GAS7: variants seen among roughly 807,000 people sequenced by gnomAD.
The protein encoded by GAS7 is growth arrest specific 7, also known as growth arrest-specific protein 7.
In GAS7, 28 loss-of-function variants were observed where a neutral mutation model predicts 71.1. That is an observed-to-expected ratio of 0.39 (90% CI 0.29 to 0.54). The LOEUF is 0.54. Among genes scored for constraint, GAS7 ranks in the 20% least tolerant of loss-of-function variants. GAS7 has a pLI of 0.62. For synonymous variants in GAS7, 258 were observed against 245.8 expected, an observed-to-expected ratio of 1.05 and a Z score of -0.46; for missense variants, 436 against 627.8, an observed-to-expected ratio of 0.69 and a Z score of 3.27.
intron 1 of GAS7, among the ~76,000 whole-genome samples, chr17:10,119,985 C>A (rs907815661): frequency 6.6e-6 from 1 of 152,184 alleles, no homozygotes; most frequent in Non-Finnish European, 1.5e-5. Flanking sequence ...AAGCCTCTGA[C>A]CACAAGCTGG....
At chr17:10,096,619 A>G (rs1350138897) in intron 1 of GAS7, among the ~76,000 whole-genome samples, 2 of 152,208 alleles carry the variant, frequency 1.3e-5, no homozygotes, top group Non-Finnish European at 2.9e-5. Context: ...CCCAGGCCTA[A>G]GGCCATCACC....
chr17:10,121,938 T>C lies in GAS7; in HGVS notation c.183+76270A>G, dbSNP rs112082374. Among the ~76,000 whole-genome samples the C allele has an allele frequency of 9.4e-3, 1,434 of 152,254 alleles. 30 individuals carry two copies. Among genetic ancestry groups the C allele is most frequent in the African/African-American group, 0.033 (1,372 of 41,554 alleles). ...TGAGACCAGTTCTCATGGGGGACTT[T>C]GGAAGGTAGTGGGCCCAGGCTACCT... On this transcript the variant is annotated intron_variant, in intron 1 of 13. Coordinates refer to ENST00000432992, the MANE Select transcript of GAS7 (RefSeq NM_201433.2).
intron 4 of GAS7, among the ~76,000 whole-genome samples, chr17:9,961,952 C>A (rs1271417493): frequency 6.6e-6 from 1 of 152,190 alleles, no homozygotes; most frequent in Non-Finnish European, 1.5e-5. Context: ...CAACCACAAA[C>A]ATATATTTTG....
chr17:10,114,647 A>C (rs989179587), intron 1 of GAS7: 2 of 152,042 alleles, frequency 1.3e-5, no homozygotes, highest in Non-Finnish European at 2.9e-5. Flanking sequence ...CCCCATAACA[A>C]CACCATAGCA....
chr17:9,964,428 C>T (rs1046168056), intron 4 of GAS7, among the ~76,000 whole-genome samples: 1 of 152,168 alleles, frequency 6.6e-6, no homozygotes, highest in African/African-American at 2.4e-5. Flanking sequence ...GGCAGGCCTG[C>T]GCAGACTACC....
rs1190565077 is a variant in GAS7, at chr17:9,914,703, A to G, written c.*2525T>C. The G allele has an allele frequency of 4.5e-6, 1 of 220,646 alleles. No individual in the cohort carries two copies. Among genetic ancestry groups the G allele is most frequent in the Non-Finnish European group, 9.1e-6 (1 of 110,128 alleles). 13.7% of individuals were successfully genotyped at this position (220,646 alleles called of 1,614,324 possible). On this transcript the variant is annotated 3_prime_UTR_variant, in exon 14 of 14. Transcript: ENST00000432992. ...TATAATAAAGAATCCCAGAGGGTTA[A>G]GTGTGGAGAGGGTACAATGTTCTTA... is the stretch of plus-strand genomic sequence containing the variant.
chr17:10,054,138 T>C (rs1302129424), intron 1 of GAS7, among the ~76,000 whole-genome samples: 3 of 151,880 alleles, frequency 2.0e-5, no homozygotes, highest in African/African-American at 4.8e-5. Flanking sequence ...AAATTCACTT[T>C]CAGAAAGAAA....
intron 2 of GAS7, among the ~76,000 whole-genome samples, chr17:10,000,655 T>C (rs960901767): frequency 2.0e-5 from 3 of 152,212 alleles, no homozygotes; most frequent in African/African-American, 7.2e-5. Context: ...TAAATTCTGC[T>C]AGTGAAGAAA....
intron 1 of GAS7, among the ~76,000 whole-genome samples, chr17:10,144,332 A>G (rs544406597): frequency 1.3e-5 from 2 of 152,258 alleles, no homozygotes; most frequent in East Asian, 3.9e-4. Flanking sequence ...TCTCATAGGC[A>G]GTGTCGGGCC....
At chr17:10,036,793 C>A in intron 1 of GAS7, 1 of 1,122,834 alleles carries the variant, frequency 8.9e-7, no homozygotes, top group South Asian at 3.1e-5. Flanking sequence ...TCCCCTTTCT[C>A]AGCTAAAAAA....
chr17:9,962,243 C>CACACACAT (rs1402624368), intron 4 of GAS7, among the ~76,000 whole-genome samples: 9 of 149,076 alleles, frequency 6.0e-5, no homozygotes, highest in African/African-American at 2.0e-4. Flanking sequence ...ATTTTATACA[C>CACACACAT]ACACACACAC....
intron 1 of GAS7, among the ~76,000 whole-genome samples, chr17:10,148,693 C>T (rs1212412028): frequency 1.3e-5 from 2 of 151,258 alleles, no homozygotes; most frequent in Non-Finnish European, 2.9e-5. Flanking sequence ...GGGCGGATCA[C>T]GAGGTCAGGA....
chr17:9,975,100 A>G (rs2070134254), intron 3 of GAS7, among the ~76,000 whole-genome samples: 1 of 152,216 alleles, frequency 6.6e-6, no homozygotes, highest in South Asian at 2.1e-4. Context: ...CACGCCTGAA[A>G]TCCCAGCACT....
At chr17:9,968,696 AATC>A (rs2069825772) in intron 4 of GAS7, among the ~76,000 whole-genome samples, 1 of 152,222 alleles carries the variant, frequency 6.6e-6, no homozygotes, top group African/African-American at 2.4e-5. Context: ...ACAGAACCAT[AATC>A]AATCCTCCGG....
chr17:9,977,574 G>T (rs1345433994), intron 3 of GAS7, among the ~76,000 whole-genome samples: 1 of 152,112 alleles, frequency 6.6e-6, no homozygotes, highest in African/African-American at 2.4e-5. Flanking sequence ...TACTCATGCG[G>T]GTCTCACCCA....
chr17:10,150,746 CG>C (rs1415390262), intron 1 of GAS7, among the ~76,000 whole-genome samples: 1 of 151,758 alleles, frequency 6.6e-6, no homozygotes, highest in East Asian at 1.9e-4. Context: ...GCATCACTAC[CG>C]CCCAGCTAAT....
At chr17:10,004,438 C>A (rs2071388407) in intron 2 of GAS7, among the ~76,000 whole-genome samples, 1 of 152,156 alleles carries the variant, frequency 6.6e-6, no homozygotes, top group South Asian at 2.1e-4. Flanking sequence ...TCCATCCAGA[C>A]AGATCCTCCC....
In GAS7 at chr17:9,968,705, T is replaced by G. The variant is rs538469690; in HGVS notation, c.471+972A>C. ...ATGCAGACAGAACCATAATCAATCCTCCGGTTTATTTTTCTTCCAGTCATT... is the reference window on the plus strand; with the variant it reads ...ATGCAGACAGAACCATAATCAATCCGCCGGTTTATTTTTCTTCCAGTCATT... On this transcript the variant is annotated intron_variant, in intron 4 of 13. Coordinates refer to ENST00000432992, the MANE Select transcript of GAS7 (RefSeq NM_201433.2). 5.3e-5 allele frequency among the ~76,000 whole-genome samples: 8 copies of G among 152,320 alleles called. No homozygotes were observed. In the East Asian group the frequency reaches 1.4e-3, roughly 26 times the overall value.
chr17:10,124,873 G>C (rs527960834), intron 1 of GAS7, among the ~76,000 whole-genome samples: 1 of 151,988 alleles, frequency 6.6e-6, no homozygotes, highest in South Asian at 2.1e-4. Context: ...AGCCGAGTTC[G>C]CGCTACTGCA....
Sources: gnomAD v4.1 joint callset for allele counts (sites outside exome capture counted in the v4.1 genomes callset) on GRCh38, gnomAD v4.1.1 for gene constraint, MANE v1.5 for transcripts, NCBI Gene and HGNC (gene_info 2026-07-23, HGNC 2026-07-21) for gene names.